TPCN2: variants seen among roughly 807,000 people sequenced by gnomAD.
The protein encoded by TPCN2 is two pore segment channel 2, also known as two pore channel protein 2.
A neutral mutation model predicts 111.4 loss-of-function variants in TPCN2; 92 were observed. That is an observed-to-expected ratio of 0.83 (90% CI 0.70 to 0.98). The LOEUF (loss-of-function observed/expected upper bound fraction) is 0.98. Ranked by LOEUF, TPCN2 falls within the 50% of genes least tolerant of loss-of-function variation. The pLI is 0.00. For missense variants in TPCN2, 995 were observed against 980.1 expected (o/e 1.02, Z -0.20); for synonymous variants, 405 against 414.5 (o/e 0.98, Z 0.28).
intron 2 of TPCN2, 29 bp downstream of exon 2, chr11:69,054,126 G>A (rs756465050): frequency 6.2e-7 from 1 of 1,601,372 alleles, no homozygotes; most frequent in South Asian, 1.1e-5. Flanking sequence ...CTGTGGCCGG[G>A]CCTGGGGGGT....
intron 12 of TPCN2, 21 bp downstream of exon 12, chr11:69,072,729 G>A: frequency 5.0e-6 from 8 of 1,613,332 alleles, no homozygotes; most frequent in Non-Finnish European, 5.9e-6. Context: ...CCTGCTCCCA[G>A]CCTCCTCTGG....
Position 69,078,601 on chromosome 11 carries a change from C to T in TPCN2, c.1350C>T (p.Cys450=), listed in dbSNP as rs369804583. The T allele has an allele frequency of 8.1e-6, 13 of 1,614,018 alleles. No homozygotes were observed. Among genetic ancestry groups the T allele is most frequent in the African/African-American group, 1.3e-5 (1 of 75,066 alleles). Residue 450 remains cysteine (C), a splice_region_variant and synonymous_variant, in exon 14 of 25, where the codon TGC becomes TGT. Coordinates refer to ENST00000294309, the MANE Select transcript of TPCN2 (RefSeq NM_139075.4). ...CCCTGGCAAACCTGGTGTCCATTTG[C>T]GTGAGTGTGGATTTGCCCCAGAGCT... ...LIALANLVSI[C]VFLVLDADVL...
At chr11:69,054,856 T>C (rs1837844674) in intron 3 of TPCN2, 59 bp downstream of exon 3, 7 of 1,558,590 alleles carry the variant, frequency 4.5e-6, no homozygotes, top group Non-Finnish European at 6.2e-6. Flanking sequence ...CAGGGGAGGC[T>C]GGCCCCCACC....
At chr11:69,085,554 A>G in intron 20 of TPCN2, 117 bp from the exon 21 acceptor site, 1 of 782,146 alleles carries the variant, frequency 1.3e-6, no homozygotes, top group South Asian at 1.5e-5. Context: ...GAGCCTCTGT[A>G]TCCCAATTTG....
rs149957892 is a variant in TPCN2 at position 69,090,407 on chromosome 11, G to A, written c.*2454G>A. ...CCCCACAGAGATGCCCTGCTCATCCGACTGGGGCTTTGACTCCCACACTGT... is the reference window on the plus strand; with the variant it reads ...CCCCACAGAGATGCCCTGCTCATCCAACTGGGGCTTTGACTCCCACACTGT... On this transcript the variant is annotated 3_prime_UTR_variant, in exon 25 of 25. Transcript: ENST00000294309. The A allele has an allele frequency of 6.6e-6, 1 of 152,118 alleles. No homozygotes were observed. Among genetic ancestry groups the A allele is most frequent in the African/African-American group, 2.4e-5 (1 of 41,458 alleles). 9.4% of individuals were successfully genotyped at this position (152,118 alleles called of 1,614,324 possible).
intron 13 of TPCN2, among the ~76,000 whole-genome samples, chr11:69,076,528 C>T (rs577078774): frequency 4.0e-5 from 6 of 151,796 alleles, no homozygotes; most frequent in Non-Finnish European, 5.9e-5. Context: ...ATCCGGAAAC[C>T]GCAGGGGAGG....
intron 5 of TPCN2, among the ~76,000 whole-genome samples, chr11:69,061,330 T>TC (rs61232448): frequency 0.026 from 3,979 of 152,270 alleles, 383 homozygotes; most frequent in East Asian, 0.21. Flanking sequence ...CTGGGCCTGT[T>TC]CCGTGGACCC....
chr11:69,072,772 C>G, intron 12 of TPCN2, 64 bp downstream of exon 12: 1 of 1,594,800 alleles, frequency 6.3e-7, no homozygotes, highest in South Asian at 1.1e-5. Flanking sequence ...GGCCAGCAGC[C>G]CCTTTTCAGG....
At chr11:69,055,073 C>T in intron 3 of TPCN2, 102 bp from the exon 4 acceptor site, 1 of 1,269,292 alleles carries the variant, frequency 7.9e-7, no homozygotes, top group Admixed American at 2.0e-5. Context: ...CACGCTCAGG[C>T]AGCGCCAACT....
chr11:69,073,542 G>A (rs1299006500), intron 13 of TPCN2, among the ~76,000 whole-genome samples: 1 of 152,266 alleles, frequency 6.6e-6, no homozygotes, highest in Non-Finnish European at 1.5e-5. Flanking sequence ...GGGGCAGAGA[G>A]GTGGGGTGGC....
At chr11:69,079,378 G>T in intron 16 of TPCN2, 1 of 309,252 alleles carries the variant, frequency 3.2e-6, no homozygotes, top group South Asian at 6.3e-5. Flanking sequence ...GTGGAGCGAG[G>T]GGCCAGGGGG....
At chr11:69,067,947 G>A (rs1044915982) in intron 8 of TPCN2, among the ~76,000 whole-genome samples, 3 of 152,090 alleles carry the variant, frequency 2.0e-5, no homozygotes, top group African/African-American at 7.2e-5. Context: ...GTTCTTCATA[G>A]GGCGATGATG....
At chr11:69,070,245 G>A (rs1191146277) in intron 8 of TPCN2, among the ~76,000 whole-genome samples, 185 bp from the exon 9 acceptor site, 1 of 151,790 alleles carries the variant, frequency 6.6e-6, no homozygotes, top group East Asian at 1.9e-4. Flanking sequence ...GGCTGGTCTC[G>A]GAATTCCTGA....
intron 13 of TPCN2, 144 bp from the exon 14 acceptor site, chr11:69,078,338 G>A: frequency 1.9e-6 from 2 of 1,049,772 alleles, no homozygotes; most frequent in South Asian, 3.3e-5. Context: ...CTGTGTCTGG[G>A]ATTATTTCCT....
intron 11 of TPCN2, among the ~76,000 whole-genome samples, chr11:69,072,380 G>C (rs1320558777): frequency 6.6e-6 from 1 of 152,132 alleles, no homozygotes; most frequent in Non-Finnish European, 1.5e-5. Context: ...AATGAGGGCA[G>C]AGAGCTTGAG....
At chr11:69,062,239 TC>T (rs1855053903) in intron 5 of TPCN2, among the ~76,000 whole-genome samples, 1 of 152,048 alleles carries the variant, frequency 6.6e-6, no homozygotes, top group Admixed American at 6.6e-5. Flanking sequence ...TCATGAGGGA[TC>T]CACCCCACGA....
intron 18 of TPCN2, chr11:69,083,038 T>A (rs1014655007): frequency 1.4e-5 from 2 of 145,872 alleles, no homozygotes; most frequent in African/African-American, 2.6e-5. Context: ...GATATCCTTG[T>A]GAACTCGTGC....
At chr11:69,082,411 A>G (rs1182701294) in intron 18 of TPCN2, among the ~76,000 whole-genome samples, 4 of 152,300 alleles carry the variant, frequency 2.6e-5, no homozygotes, top group African/African-American at 7.2e-5. Flanking sequence ...CATCATGCAC[A>G]TACACACGTA....
chr11:69,076,897 C>G (rs796394421), intron 13 of TPCN2, among the ~76,000 whole-genome samples: 3 of 46,768 alleles, frequency 6.4e-5, no homozygotes, highest in African/African-American at 1.8e-4. Flanking sequence ...TCCTGCCCTC[C>G]TGCCATGTCC....
Sources: gnomAD v4.1 joint callset for allele counts (sites outside exome capture counted in the v4.1 genomes callset) on GRCh38, gnomAD v4.1.1 for gene constraint, MANE v1.5 for transcripts, NCBI Gene and HGNC (gene_info 2026-07-23, HGNC 2026-07-21) for gene names.